RGL1: variants seen among roughly 807,000 people sequenced by gnomAD.
RGL1 encodes the protein ral guanine nucleotide dissociation stimulator like 1.
RGL1 carries 24 observed loss-of-function variants against 95.2 expected under a neutral mutation model. The ratio of observed to expected loss-of-function variants is 0.25; its 90% CI spans 0.18 to 0.35. The LOEUF (loss-of-function observed/expected upper bound fraction) is 0.35, where lower values mean the gene tolerates loss of function less well. RGL1 is among the 10% of genes least tolerant of loss of function. The pLI, the probability that RGL1 is intolerant of heterozygous loss-of-function variation, is 1.00. For missense variants in RGL1, 715 were observed against 936.3 expected (o/e 0.76, Z 3.08); for synonymous variants, 329 against 344.9 (o/e 0.95, Z 0.51).
At chr1:183,862,225 C>G (rs958610099) in intron 3 of RGL1, among the ~76,000 whole-genome samples, 1 of 152,102 alleles carries the variant, frequency 6.6e-6, no homozygotes, top group Non-Finnish European at 1.5e-5. Flanking sequence ...CATCTGTGGT[C>G]CCAGCTAGTG....
At chr1:183,796,312 T>A (rs1373999978) in intron 2 of RGL1, among the ~76,000 whole-genome samples, 2 of 151,874 alleles carry the variant, frequency 1.3e-5, no homozygotes, top group African/African-American at 2.4e-5. Flanking sequence ...TACAGGCACA[T>A]GCCACCACAC....
intron 1 of RGL1, among the ~76,000 whole-genome samples, chr1:183,684,407 C>G (rs555636101): frequency 6.6e-6 from 1 of 152,186 alleles, no homozygotes; most frequent in African/African-American, 2.4e-5. Context: ...TGTTAGTTTT[C>G]CTTCTAACAG....
intron 16 of RGL1, among the ~76,000 whole-genome samples, chr1:183,917,284 G>A (rs1163474137): frequency 6.6e-6 from 1 of 152,186 alleles, no homozygotes; most frequent in Non-Finnish European, 1.5e-5. Flanking sequence ...AAATCTGTGT[G>A]TTTCTGAGGA....
At chr1:183,862,145 C>A (rs749247490) in intron 3 of RGL1, among the ~76,000 whole-genome samples, 5 of 152,036 alleles carry the variant, frequency 3.3e-5, no homozygotes, top group Admixed American at 1.3e-4. Flanking sequence ...AGTTCGAGAC[C>A]GGCCTGGGCA....
chr1:183,839,437 T>C (rs1019995518), intron 2 of RGL1, among the ~76,000 whole-genome samples: 1 of 152,200 alleles, frequency 6.6e-6, no homozygotes, highest in African/African-American at 2.4e-5. Flanking sequence ...CTACATCCAA[T>C]TGATCAGAAG....
rs542705616 is a variant in RGL1 at position 183,742,359 on chromosome 1, G to A, written c.132+70G>A. 8.1e-5 allele frequency: 128 copies of A among 1,580,128 alleles called. 1 individual carries two copies. The highest frequency in any genetic ancestry group is 2.3e-4 in the African/African-American group (17 of 74,286). On this transcript the variant is annotated intron_variant, in intron 2 of 18. Transcript: ENST00000304685. ...TTTATACCTGAGACCATAATTCTTC[G>A]TGTAGCCAGCACCACAGGCCAGCTT...
At chr1:183,759,682 CCA>C (rs1658549778) in intron 2 of RGL1, among the ~76,000 whole-genome samples, 1 of 152,172 alleles carries the variant, frequency 6.6e-6, no homozygotes, top group African/African-American at 2.4e-5. Context: ...CTCTCCAGCT[CCA>C]GTTTGTCAAC....
At chr1:183,657,677 A>T (rs1251824358) in intron 1 of RGL1, among the ~76,000 whole-genome samples, 1 of 151,618 alleles carries the variant, frequency 6.6e-6, no homozygotes, top group African/African-American at 2.4e-5. Flanking sequence ...CATTTTCTTA[A>T]TCCAGTCTAT....
intron 4 of RGL1, among the ~76,000 whole-genome samples, chr1:183,866,981 A>C (rs780804214): frequency 4.6e-5 from 7 of 152,150 alleles, no homozygotes; most frequent in Non-Finnish European, 1.0e-4. Flanking sequence ...GAACAAGAGG[A>C]GGCCAGATGC....
chr1:183,898,409 T>C (rs1018475588), intron 10 of RGL1, among the ~76,000 whole-genome samples: 8 of 152,232 alleles, frequency 5.3e-5, no homozygotes, highest in Non-Finnish European at 2.9e-5. Context: ...CAAATCTTTA[T>C]AGTTTTTCAA....
chr1:183,737,880 C>T (rs139185126), intron 1 of RGL1, among the ~76,000 whole-genome samples: 3 of 152,248 alleles, frequency 2.0e-5, no homozygotes, highest in Non-Finnish European at 4.4e-5. Context: ...GCTGATTTTA[C>T]CATCCAGTTG....
At chr1:183,648,485 A>C in intron 1 of RGL1, 1 of 1,614,254 alleles carries the variant, frequency 6.2e-7, no homozygotes, top group East Asian at 2.2e-5. Context: ...CATTCATTTC[A>C]AAGAGCATTG....
chr1:183,819,686 A>T (rs1271363022), intron 2 of RGL1, among the ~76,000 whole-genome samples: 1 of 151,928 alleles, frequency 6.6e-6, no homozygotes. Context: ...TTTTCTTTGC[A>T]TCGGTGTTCA....
intron 17 of RGL1, among the ~76,000 whole-genome samples, chr1:183,922,553 T>C (rs574986653): frequency 6.6e-6 from 1 of 152,342 alleles, no homozygotes; most frequent in East Asian, 1.9e-4. Context: ...CTCTTGTTTT[T>C]CCTGCGATTT....
intron 2 of RGL1, among the ~76,000 whole-genome samples, chr1:183,757,243 T>C (rs1027072008): frequency 1.3e-5 from 2 of 152,196 alleles, no homozygotes; most frequent in Non-Finnish European, 2.9e-5. Flanking sequence ...GGGCTTCACA[T>C]TGTAAAATCA....
At chr1:183,886,195 C>G (rs1408539426) in intron 7 of RGL1, among the ~76,000 whole-genome samples, 1 of 152,058 alleles carries the variant, frequency 6.6e-6, no homozygotes, top group Non-Finnish European at 1.5e-5. Flanking sequence ...AGATAATTTG[C>G]CTTGAGTCTT....
chr1:183,897,057 A>T (rs1392745259), intron 9 of RGL1, among the ~76,000 whole-genome samples: 1 of 152,276 alleles, frequency 6.6e-6, no homozygotes, highest in Non-Finnish European at 1.5e-5. Context: ...ATGCTGGCAC[A>T]TCCATTTCAG....
intron 2 of RGL1, among the ~76,000 whole-genome samples, chr1:183,820,810 A>G (rs1303659724): frequency 6.6e-6 from 1 of 152,190 alleles, no homozygotes; most frequent in Non-Finnish European, 1.5e-5. Flanking sequence ...AATGGGTTAA[A>G]TAAAATGTAT....
At chr1:183,697,889 T>C (rs918720788) in intron 1 of RGL1, among the ~76,000 whole-genome samples, 3 of 152,256 alleles carry the variant, frequency 2.0e-5, no homozygotes, top group Non-Finnish European at 4.4e-5. Context: ...GGCTGGTCCC[T>C]GCAGGTTGCA....
Sources: gnomAD v4.1 joint callset for allele counts (sites outside exome capture counted in the v4.1 genomes callset) on GRCh38, gnomAD v4.1.1 for gene constraint, MANE v1.5 for transcripts, NCBI Gene and HGNC (gene_info 2026-07-23, HGNC 2026-07-21) for gene names.